Variants in FOXP4 observed in about 807,000 individuals in gnomAD.
The protein encoded by FOXP4 is forkhead box protein P4.
Under a neutral mutation model 82.6 loss-of-function variants are expected in FOXP4, and 25 were observed. The observed-to-expected ratio is 0.30, with a 90% CI of 0.22 to 0.42. The LOEUF is 0.42. Ranked by LOEUF, FOXP4 falls within the 10% of genes least tolerant of loss-of-function variation. The probability of loss-of-function intolerance (pLI) is 1.00; values close to 1 mark genes in which losing one functional copy is unlikely to be tolerated. For synonymous variants in FOXP4, 415 were observed against 388.2 expected, an observed-to-expected ratio of 1.07 and a Z score of -0.81; for missense variants, 785 against 900.9, an observed-to-expected ratio of 0.87 and a Z score of 1.65.
intron 5 of FOXP4, among the ~76,000 whole-genome samples, chr6:41,585,778 G>A (rs1766079950): frequency 6.6e-6 from 1 of 151,654 alleles, no homozygotes; most frequent in Non-Finnish European, 1.5e-5. Flanking sequence ...GTGTGTACGT[G>A]TCACCCCCGT....
At chr6:41,555,328 A>G (rs9349197) in intron 1 of FOXP4, among the ~76,000 whole-genome samples, 4,870 of 152,224 alleles carry the variant, frequency 0.032, 271 homozygotes, top group East Asian at 0.17. Flanking sequence ...TTTGTACCAT[A>G]AGGCCTTGTG....
chr6:41,564,515 T>C (rs910900225), intron 1 of FOXP4, among the ~76,000 whole-genome samples: 11 of 152,178 alleles, frequency 7.2e-5, no homozygotes, highest in African/African-American at 2.7e-4. Context: ...ACCTCCTCCT[T>C]ACTGTCCTGA....
chr6:41,553,526 G>A (rs1340183404), intron 1 of FOXP4, among the ~76,000 whole-genome samples: 2 of 152,134 alleles, frequency 1.3e-5, no homozygotes, highest in Non-Finnish European at 2.9e-5. Context: ...CCATGGACTG[G>A]GTACTGGCTG....
At chr6:41,585,334 ACT>A in intron 4 of FOXP4, 95 bp from the exon 5 acceptor site, 2 of 1,247,658 alleles carry the variant, frequency 1.6e-6, no homozygotes. Flanking sequence ...TTTTAGGGAA[ACT>A]CCCTTCTCCT....
chr6:41,581,972 G>A (rs1415460968), intron 3 of FOXP4, among the ~76,000 whole-genome samples: 1 of 152,222 alleles, frequency 6.6e-6, no homozygotes, highest in Non-Finnish European at 1.5e-5. Context: ...AGTCTTTCCT[G>A]TTGCGGGCCA....
chr6:41,563,637 C>T (rs1164994464), intron 1 of FOXP4, among the ~76,000 whole-genome samples: 1 of 152,162 alleles, frequency 6.6e-6, no homozygotes, highest in Non-Finnish European at 1.5e-5. Context: ...CTTTGGGTCT[C>T]AATGTCCTCA....
intron 1 of FOXP4, chr6:41,548,687 C>G (rs974059051): frequency 1.3e-5 from 2 of 152,362 alleles, no homozygotes; most frequent in Non-Finnish European, 2.9e-5. Context: ...CCCACCCCCT[C>G]CCCCTGCTGC....
chr6:41,570,491 C>G (rs561434393), intron 2 of FOXP4: 62 of 424,708 alleles, frequency 1.5e-4, no homozygotes, highest in African/African-American at 1.2e-3. Flanking sequence ...TCCCAGGTCC[C>G]TGAGAGCCAA....
At chr6:41,551,494 A>G (rs893607426) in intron 1 of FOXP4, among the ~76,000 whole-genome samples, 2 of 152,090 alleles carry the variant, frequency 1.3e-5, no homozygotes, top group Non-Finnish European at 2.9e-5. Context: ...CCTGGGCCCC[A>G]TGCTCTGGCC....
intron 2 of FOXP4, among the ~76,000 whole-genome samples, chr6:41,568,262 G>A (rs555876835): frequency 1.8e-4 from 27 of 152,268 alleles, no homozygotes; most frequent in African/African-American, 6.5e-4. Context: ...CTGGTGCTTT[G>A]GGGTCTTCAC....
intron 8 of FOXP4, among the ~76,000 whole-genome samples, chr6:41,588,177 C>G (rs1033757137): frequency 1.3e-5 from 2 of 152,232 alleles, no homozygotes; most frequent in South Asian, 2.1e-4. Flanking sequence ...CTCCTCCCCC[C>G]ACCCTCCCCT....
chr6:41,566,872 G>A (rs1460854913), intron 2 of FOXP4, among the ~76,000 whole-genome samples: 1 of 152,142 alleles, frequency 6.6e-6, no homozygotes, highest in Non-Finnish European at 1.5e-5. Context: ...CTGCTCAGTA[G>A]CCCACTCCTG....
chr6:41,565,228 C>G (rs187062653), intron 1 of FOXP4, among the ~76,000 whole-genome samples: 2 of 152,184 alleles, frequency 1.3e-5, no homozygotes, highest in East Asian at 3.9e-4. Context: ...GTCGTGGTGG[C>G]AGGCACCTGT....
intron 16 of FOXP4, 108 bp from the exon 17 acceptor site, chr6:41,598,681 G>A (rs768129790): frequency 1.4e-6 from 2 of 1,471,362 alleles, no homozygotes; most frequent in Non-Finnish European, 1.8e-6. Flanking sequence ...TGGGGAGGGG[G>A]CTGTGGGCAC....
intron 13 of FOXP4, among the ~76,000 whole-genome samples, chr6:41,594,637 A>G (rs1766716096): frequency 6.6e-6 from 1 of 152,194 alleles, no homozygotes; most frequent in African/African-American, 2.4e-5. Context: ...GGAGGCAGCT[A>G]ATAAAATGGG....
chr6:41,594,945 G>T lies in FOXP4; in HGVS notation c.1612G>T (p.Val538Leu), dbSNP rs1187372036. The T allele has an allele frequency of 6.2e-7, 1 of 1,614,086 alleles. No individual in the cohort carries two copies. Among genetic ancestry groups the T allele is most frequent in the African/African-American group, 1.3e-5 (1 of 74,940 alleles). ...GAACGTCAAGGGTGCCGTGTGGACT[G>T]TGGACGAGCGGGAGTATCAGAAGCG... ...VENVKGAVWT[V>L]DEREYQKRRP... The change falls in exon 14 of 17, where the codon GTG becomes TTG. Residue 538 changes from valine to leucine, a missense_variant. This residue lies in a region of FOXP4 where 31 missense variants were observed against 79.6 expected (regional missense o/e 0.39). Transcript: ENST00000307972.
intron 1 of FOXP4, among the ~76,000 whole-genome samples, chr6:41,555,009 T>A (rs1171832724): frequency 2.0e-5 from 3 of 152,146 alleles, no homozygotes; most frequent in Non-Finnish European, 4.4e-5. Flanking sequence ...TCCCAGCACT[T>A]GGGAGGCCAA....
intron 2 of FOXP4, chr6:41,570,327 A>G (rs577193313): frequency 2.1e-6 from 1 of 471,188 alleles, no homozygotes; most frequent in Non-Finnish European, 4.4e-6. Flanking sequence ...GCTTACGGAC[A>G]TCACACCAGT....
intron 2 of FOXP4, among the ~76,000 whole-genome samples, chr6:41,568,169 A>G (rs2127354720): frequency 6.6e-6 from 1 of 152,328 alleles, no homozygotes; most frequent in Non-Finnish European, 1.5e-5. Flanking sequence ...AAGTATGGGA[A>G]AGAGAGCCTG....
Sources: allele counts gnomAD v4.1 joint callset (sites outside exome capture counted in the v4.1 genomes callset), GRCh38; gene constraint gnomAD v4.1.1; regional missense constraint gnomAD v4.1.1; transcripts MANE v1.5; gene names NCBI Gene and HGNC (gene_info 2026-07-23, HGNC 2026-07-21).